PPP1R16B: variants seen among roughly 807,000 people sequenced by gnomAD.
PPP1R16B encodes protein phosphatase 1 regulatory inhibitor subunit 16B.
In PPP1R16B, 14 loss-of-function variants were observed where a neutral mutation model predicts 61.7. The observed-to-expected ratio is 0.23, with a 90% CI of 0.15 to 0.35. The LOEUF (loss-of-function observed/expected upper bound fraction) is 0.35. Among genes scored for constraint, PPP1R16B ranks in the 10% least tolerant of loss-of-function variants. PPP1R16B has a pLI of 1.00. For missense variants in PPP1R16B, 547 were observed against 752.5 expected, an observed-to-expected ratio of 0.73 and a Z score of 3.19; for synonymous variants, 266 against 305.3, an observed-to-expected ratio of 0.87 and a Z score of 1.34.
rs185753681 is a variant in PPP1R16B at position 38,907,076 on chromosome 20, G to A, written c.898+22G>A. ...ATAGGTAAGTCCAGCACAATAGCTG[G>A]TGTGCACAAATAGGCAGTTATCAAT... On this transcript the variant is annotated intron_variant, in intron 8 of 10. Coordinates refer to ENST00000299824, the MANE Select transcript of PPP1R16B (RefSeq NM_015568.4). This position sits in a 1 kb window ranked among gnomAD's most constrained non-coding sequence, Gnocchi z 4.5. 34 of 1,586,384 alleles carry A rather than the reference G, an allele frequency of 2.1e-5. No individual in the cohort carries two copies. The African/African-American group carries it at 3.2e-4, about 15-fold the overall frequency.
At chr20:38,824,094 C>T (rs2084789356) in intron 1 of PPP1R16B, among the ~76,000 whole-genome samples, 1 of 152,190 alleles carries the variant, frequency 6.6e-6, no homozygotes, top group Non-Finnish European at 1.5e-5. Context: ...GTTTTCTCCT[C>T]TCTGAAATGG....
intron 1 of PPP1R16B, among the ~76,000 whole-genome samples, chr20:38,808,525 C>T (rs1178754735): frequency 6.6e-6 from 1 of 152,184 alleles, no homozygotes; most frequent in African/African-American, 2.4e-5. Flanking sequence ...AGGGCTCGGA[C>T]AAGCCTGCCT....
chr20:38,906,283 GTTTTTTTTTTTTTT>G (rs907617949), intron 7 of PPP1R16B, among the ~76,000 whole-genome samples, 189 bp downstream of exon 7: 12 of 101,266 alleles, frequency 1.2e-4, no homozygotes, highest in South Asian at 4.3e-4. Context: ...AGCAAGTTGT[GTTTTTTTTTTTTTT>G]TTTTTTTTTT....
chr20:38,821,313 C>A (rs1463953803), intron 1 of PPP1R16B, among the ~76,000 whole-genome samples: 1 of 152,210 alleles, frequency 6.6e-6, no homozygotes, highest in Non-Finnish European at 1.5e-5. Context: ...ATGTGTCAAA[C>A]CTGACAGCCT....
rs2084665884 is a variant in PPP1R16B at position 38,806,888 on chromosome 20, G to A, written c.-102+1096G>A. Among the ~76,000 whole-genome samples, 1 of 152,236 alleles carries A rather than the reference G, an allele frequency of 6.6e-6. No homozygotes were observed. Among genetic ancestry groups the A allele is most frequent in the African/African-American group, 2.4e-5 (1 of 41,470 alleles). ...CGGTGCTCCCGGGCACCTCAGGAGC[G>A]GAGGGAGAGGGATGTGGCTTCATCA... On this transcript the variant is annotated intron_variant, in intron 1 of 10. Coordinates refer to ENST00000299824, the MANE Select transcript of PPP1R16B (RefSeq NM_015568.4). This position sits in a 1 kb window ranked among gnomAD's most constrained non-coding sequence, Gnocchi z 4.5.
At chr20:38,863,642 G>A (rs1394447414) in intron 2 of PPP1R16B, among the ~76,000 whole-genome samples, 2 of 152,132 alleles carry the variant, frequency 1.3e-5, no homozygotes, top group East Asian at 1.9e-4. Flanking sequence ...GAACAGTGAC[G>A]GTCACAGTAA....
chr20:38,826,858 T>C (rs1303079004), intron 1 of PPP1R16B, among the ~76,000 whole-genome samples: 1 of 152,264 alleles, frequency 6.6e-6, no homozygotes, highest in Non-Finnish European at 1.5e-5. Context: ...CTGGACTTTG[T>C]TGAATTATCA....
intron 1 of PPP1R16B, among the ~76,000 whole-genome samples, chr20:38,817,793 C>T (rs1171551813): frequency 6.6e-6 from 1 of 152,100 alleles, no homozygotes; most frequent in Non-Finnish European, 1.5e-5. Flanking sequence ...GCTTGTAATC[C>T]CAGCACTTTG....
intron 1 of PPP1R16B, among the ~76,000 whole-genome samples, chr20:38,825,594 C>A (rs2084800818): frequency 6.6e-6 from 1 of 152,102 alleles, no homozygotes; most frequent in South Asian, 2.1e-4. Context: ...TTCCTTTGCT[C>A]CCTAGGATGG....
chr20:38,837,651 T>C (rs1387296606), intron 2 of PPP1R16B, among the ~76,000 whole-genome samples: 5 of 151,820 alleles, frequency 3.3e-5, no homozygotes, highest in African/African-American at 1.2e-4. Flanking sequence ...GTTCCAGCAA[T>C]TCTTCTGCCT....
chr20:38,820,546 G>A (rs1014457936), intron 1 of PPP1R16B, among the ~76,000 whole-genome samples: 1 of 150,100 alleles, frequency 6.7e-6, no homozygotes, highest in Admixed American at 6.6e-5. Flanking sequence ...CAACAAGAAC[G>A]AAACTTCGTC....
At chr20:38,808,352 C>T (rs1332461907) in intron 1 of PPP1R16B, among the ~76,000 whole-genome samples, 1 of 152,072 alleles carries the variant, frequency 6.6e-6, no homozygotes, top group Non-Finnish European at 1.5e-5. Context: ...GGGACCCCAT[C>T]CCCCCAACCT....
chr20:38,908,988 C>CT (rs1179202180), intron 10 of PPP1R16B, among the ~76,000 whole-genome samples: 4 of 152,020 alleles, frequency 2.6e-5, no homozygotes, highest in East Asian at 1.9e-4. Context: ...TGTCTGTTTT[C>CT]TTTTTTTATT....
chr20:38,841,358 A>G (rs1306597795), intron 2 of PPP1R16B, among the ~76,000 whole-genome samples: 2 of 136,500 alleles, frequency 1.5e-5, no homozygotes, highest in African/African-American at 5.9e-5. Flanking sequence ...GTACTGAAAA[A>G]AAAAAAAAAA....
chr20:38,812,481 C>T (rs2084707587), intron 1 of PPP1R16B, among the ~76,000 whole-genome samples: 1 of 152,204 alleles, frequency 6.6e-6, no homozygotes, highest in African/African-American at 2.4e-5. Flanking sequence ...TAACTTGAAG[C>T]TTGGCCAACG....
intron 4 of PPP1R16B, among the ~76,000 whole-genome samples, chr20:38,898,296 G>A (rs1047286144): frequency 3.3e-5 from 5 of 152,238 alleles, no homozygotes; most frequent in South Asian, 2.1e-4. Flanking sequence ...TCATTTAACC[G>A]TGTATGTGAG....
chr20:38,819,564 G>A (rs1254097371), intron 1 of PPP1R16B, among the ~76,000 whole-genome samples: 4 of 152,012 alleles, frequency 2.6e-5, no homozygotes, highest in African/African-American at 7.3e-5. Context: ...ATCCTCTGGC[G>A]CTACTAGTGT....
intron 10 of PPP1R16B, among the ~76,000 whole-genome samples, chr20:38,917,428 A>T (rs904547722): frequency 6.6e-6 from 1 of 151,800 alleles, no homozygotes; most frequent in Non-Finnish European, 1.5e-5. Context: ...GTTCATGGTG[A>T]TTTTTGCTGT....
chr20:38,912,694 A>C (rs576542134), intron 10 of PPP1R16B, among the ~76,000 whole-genome samples: 3 of 152,022 alleles, frequency 2.0e-5, no homozygotes, highest in African/African-American at 7.2e-5. Context: ...AATAAAAATA[A>C]ATAAATGTAG....
Sources: allele counts gnomAD v4.1 joint callset (sites outside exome capture counted in the v4.1 genomes callset), GRCh38; gene constraint gnomAD v4.1.1; non-coding constraint Gnocchi (gnomAD v3.1); transcripts MANE v1.5; gene names NCBI Gene and HGNC (gene_info 2026-07-23, HGNC 2026-07-21).